The following FAT3 variants were observed in gnomAD, a reference collection of about 807,000 sequenced individuals.
FAT3 encodes FAT atypical cadherin 3.
A neutral mutation model predicts 310.2 loss-of-function variants in FAT3; 95 were observed. That is an observed-to-expected ratio of 0.31 (90% CI 0.26 to 0.36). FAT3 has a LOEUF of 0.36. FAT3 is among the 10% of genes least tolerant of loss of function. FAT3 has a pLI of 1.00. For synonymous variants in FAT3, 2,314 were observed against 2,192.9 expected (o/e 1.06, Z -1.54); for missense variants, 5,408 against 5,715.6 (o/e 0.95, Z 1.74).
At chr11:92,784,626 T>G (rs2136142488) in intron 7 of FAT3, among the ~76,000 whole-genome samples, 1 of 152,338 alleles carries the variant, frequency 6.6e-6, no homozygotes. Flanking sequence ...TGTACTTCTT[T>G]AGGCATTTCA....
At chr11:92,832,778 T>C (rs776233065) in intron 14 of FAT3, among the ~76,000 whole-genome samples, 2 of 152,194 alleles carry the variant, frequency 1.3e-5, no homozygotes, top group Non-Finnish European at 2.9e-5. Context: ...TGTGCAACTG[T>C]CCACACTTGG....
chr11:92,251,866 A>G (rs1295547198), intron 1 of FAT3, among the ~76,000 whole-genome samples: 1 of 152,148 alleles, frequency 6.6e-6, no homozygotes, highest in Non-Finnish European at 1.5e-5. Flanking sequence ...ATTTACTTTT[A>G]TCCATTATTG....
At chr11:92,590,508 G>A (rs1256886438) in intron 3 of FAT3, among the ~76,000 whole-genome samples, 2 of 152,058 alleles carry the variant, frequency 1.3e-5, no homozygotes, top group East Asian at 3.9e-4. Context: ...AAAGGAAGAG[G>A]TCAGGCTCTC....
At chr11:92,682,504 T>C (rs575694918) in intron 3 of FAT3, among the ~76,000 whole-genome samples, 9 of 152,304 alleles carry the variant, frequency 5.9e-5, no homozygotes, top group Non-Finnish European at 1.3e-4. Context: ...CTGCAAAACA[T>C]TGGATGCAGA....
intron 3 of FAT3, among the ~76,000 whole-genome samples, chr11:92,565,202 G>C (rs925282304): frequency 2.7e-5 from 4 of 149,458 alleles, no homozygotes; most frequent in South Asian, 2.2e-4. Flanking sequence ...TGATAAAGGG[G>C]ATATCACCAC....
At chr11:92,236,363 C>A (rs923622061) in intron 1 of FAT3, among the ~76,000 whole-genome samples, 1 of 152,070 alleles carries the variant, frequency 6.6e-6, no homozygotes, top group East Asian at 1.9e-4. Context: ...AAATGCAAGT[C>A]TTGTAAAATT....
chr11:92,697,303 T>G, intron 3 of FAT3, 81 bp from the exon 4 acceptor site: 1 of 1,311,260 alleles, frequency 7.6e-7, no homozygotes, highest in African/African-American at 1.4e-5. Flanking sequence ...TTGCTTTTCC[T>G]TTAACTGGAC....
chr11:92,663,936 C>T (rs1942874268), intron 3 of FAT3, among the ~76,000 whole-genome samples: 2 of 152,080 alleles, frequency 1.3e-5, no homozygotes, highest in Admixed American at 1.3e-4. Context: ...AGGCTAAAAC[C>T]CTGCTCCTTA....
At position 92,507,588 on chromosome 11, in the gene FAT3, C is replaced by A. The variant is rs528697443; in HGVS notation, c.3293-17046C>A. On this transcript the variant is annotated intron_variant, in intron 2 of 27. Transcript: ENST00000525166. Reference sequence around the variant, plus strand: ...CACACACATATCCTATATCTGTACACCCTATATAACATATATGTGTGTATA... The same window carrying A: ...CACACACATATCCTATATCTGTACAACCTATATAACATATATGTGTGTATA... Among the ~76,000 whole-genome samples, 307 of 151,536 alleles carry A rather than the reference C, an allele frequency of 2.0e-3. 1 individual carries two copies. The highest frequency in any genetic ancestry group is 7.2e-3 in the African/African-American group (298 of 41,282).
At chr11:92,633,906 G>T (rs117790870) in intron 3 of FAT3, among the ~76,000 whole-genome samples, 1,997 of 152,282 alleles carry the variant, frequency 0.013, 24 homozygotes, top group Middle Eastern at 0.048. Context: ...TAATGTATCT[G>T]TTGTCTCTAT....
chr11:92,814,692 C>T (rs1947775243), intron 13 of FAT3, among the ~76,000 whole-genome samples: 1 of 152,168 alleles, frequency 6.6e-6, no homozygotes, highest in Admixed American at 6.5e-5. Flanking sequence ...GGGAACATTA[C>T]ACACTGGGGC....
Position 92,765,149 on chromosome 11 carries a change from GAA to G in FAT3, c.4195+73_4195+74del, listed in dbSNP as rs140929549. The G allele has an allele frequency of 3.9e-3, 3,790 of 973,922 alleles. 4 individuals are homozygous for G. Among genetic ancestry groups the G allele is most frequent in the South Asian group, 0.012 (493 of 42,320 alleles). 60.3% of individuals were successfully genotyped at this position (973,922 alleles called of 1,614,324 possible). A position where few individuals can be genotyped will look rare whatever the true frequency, so the allele number is the denominator to read the frequency against. ...TGTAATAATTGACTGAAGCAACTAGGAAAAAAAAAAAAAAGAAAGAAAGCAAA... is the reference window on the plus strand; with the variant it reads ...TGTAATAATTGACTGAAGCAACTAGGAAAAAAAAAAAAGAAAGAAAGCAAA... On this transcript the variant is annotated intron_variant, in intron 6 of 27. Transcript: ENST00000525166.
At chr11:92,386,830 G>A (rs779244293) in intron 2 of FAT3, among the ~76,000 whole-genome samples, 8 of 152,160 alleles carry the variant, frequency 5.3e-5, no homozygotes, top group African/African-American at 1.2e-4. Context: ...ATCTGGGACC[G>A]GATCCTACAT....
rs536481526 is a variant in FAT3, at chr11:92,801,200, C to G, written c.8187C>G (p.Thr2729=). The G allele has an allele frequency of 2.5e-6, 4 of 1,613,714 alleles. No individual in the cohort carries two copies. The African/African-American group carries it at 5.3e-5, about 22-fold the overall frequency. Residue 2729 remains threonine (T), a synonymous_variant, in exon 10 of 28, where the codon ACC becomes ACG. Coordinates refer to ENST00000525166, the MANE Select transcript of FAT3 (RefSeq NM_001367949.2). The part of the protein sequence containing the change: ...EDTAIGSTVD[T]LRILPSQNVW... ...CAGCCATTGGGAGTACAGTGGACAC[C>G]CTGAGGATTTTGCCCAGTCAGAATG...
chr11:92,358,013 A>T (rs1449867632), intron 2 of FAT3, among the ~76,000 whole-genome samples: 1 of 151,402 alleles, frequency 6.6e-6, no homozygotes, highest in Non-Finnish European at 1.5e-5. Context: ...AAAAAAAAAA[A>T]ATACAGAAAA....
intron 13 of FAT3, among the ~76,000 whole-genome samples, chr11:92,812,544 T>G (rs1337976061): frequency 6.8e-6 from 1 of 147,930 alleles, no homozygotes; most frequent in Non-Finnish European, 1.5e-5. Flanking sequence ...ATTGTGCCAG[T>G]GCACTCCAGC....
intron 1 of FAT3, among the ~76,000 whole-genome samples, chr11:92,337,321 AT>A (rs1295663453): frequency 6.6e-6 from 1 of 152,138 alleles, no homozygotes; most frequent in East Asian, 1.9e-4. Flanking sequence ...CAATTTTATC[AT>A]TTGTTCTTTC....
chr11:92,271,082 C>A (rs1946112246), intron 1 of FAT3, among the ~76,000 whole-genome samples: 1 of 152,108 alleles, frequency 6.6e-6, no homozygotes, highest in Non-Finnish European at 1.5e-5. Context: ...AGCCTCCAAG[C>A]CCTGCCTCTA....
chr11:92,224,980 CCGG>C lies in FAT3; in HGVS notation c.-194_-192del, dbSNP rs750252211. Among the ~76,000 whole-genome samples, 1 of 152,042 alleles carries C rather than the reference CCGG, an allele frequency of 6.6e-6. No homozygotes were observed. Among genetic ancestry groups the C allele is most frequent in the East Asian group, 1.9e-4 (1 of 5,158 alleles). ...GCTCCCCTCCTCCGCTTGCGAACCC[CCGG>C]CGGCGGCGGCGGCGGCGTCCCGAGC... On this transcript the variant is annotated 5_prime_UTR_variant, in exon 1 of 28. Transcript: ENST00000525166.
Sources: allele counts gnomAD v4.1 joint callset (sites outside exome capture counted in the v4.1 genomes callset), GRCh38; gene constraint gnomAD v4.1.1; transcripts MANE v1.5; gene names NCBI Gene and HGNC (gene_info 2026-07-23, HGNC 2026-07-21).